Variants in BNC2 observed in about 807,000 individuals in gnomAD.
BNC2 encodes the protein basonuclin zinc finger protein 2.
Under a neutral mutation model 76.3 loss-of-function variants are expected in BNC2, and 20 were observed. The observed-to-expected ratio is 0.26, with a 90% CI of 0.18 to 0.38. The LOEUF (loss-of-function observed/expected upper bound fraction) is 0.38, where lower values mean the gene tolerates loss of function less well. Ranked by LOEUF, BNC2 falls within the 10% of genes least tolerant of loss-of-function variation. The pLI, the probability that BNC2 is intolerant of heterozygous loss-of-function variation, is 1.00. For synonymous variants in BNC2, 582 were observed against 514.8 expected (o/e 1.13, Z -1.77); for missense variants, 1,382 against 1,399.8 (o/e 0.99, Z 0.20).
intron 6 of BNC2, among the ~76,000 whole-genome samples, chr9:16,430,317 C>T (rs1820884672): frequency 6.6e-6 from 1 of 152,078 alleles, no homozygotes; most frequent in Non-Finnish European, 1.5e-5. Flanking sequence ...ACAGCTAATG[C>T]TTTAAAATGT....
At chr9:16,538,729 T>A (rs544263780) in intron 5 of BNC2, among the ~76,000 whole-genome samples, 19 of 152,330 alleles carry the variant, frequency 1.2e-4, no homozygotes, top group African/African-American at 4.6e-4. Context: ...GGGGCCAGGT[T>A]GAAATTTACG....
intron 5 of BNC2, among the ~76,000 whole-genome samples, chr9:16,512,137 C>G (rs1025552254): frequency 6.6e-6 from 1 of 152,030 alleles, no homozygotes; most frequent in African/African-American, 2.4e-5. Context: ...CACGCATTAC[C>G]CTCCTCAATA....
At chr9:16,563,218 A>T (rs1428141286) in intron 4 of BNC2, among the ~76,000 whole-genome samples, 1 of 152,230 alleles carries the variant, frequency 6.6e-6, no homozygotes, top group Non-Finnish European at 1.5e-5. Context: ...GTTAAAAAAA[A>T]ATTGCAGAAG....
At chr9:16,812,726 C>T (rs1818082492) in intron 1 of BNC2, among the ~76,000 whole-genome samples, 1 of 152,088 alleles carries the variant, frequency 6.6e-6, no homozygotes, top group South Asian at 2.1e-4. Context: ...TTTTTAAAAA[C>T]TAACATTCCA....
At chr9:16,617,370 G>A (rs1193507485) in intron 3 of BNC2, among the ~76,000 whole-genome samples, 1 of 152,060 alleles carries the variant, frequency 6.6e-6, no homozygotes, top group Non-Finnish European at 1.5e-5. Flanking sequence ...GATAAAGAAT[G>A]TATCACCCAA....
intron 1 of BNC2, among the ~76,000 whole-genome samples, chr9:16,787,424 G>A (rs918406634): frequency 1.3e-4 from 20 of 152,266 alleles, no homozygotes; most frequent in Admixed American, 5.9e-4. Flanking sequence ...CTGGAGCCAC[G>A]CTGCCTGAGT....
At chr9:16,476,303 G>C (rs552895016) in intron 5 of BNC2, 23 of 152,344 alleles carry the variant, frequency 1.5e-4, no homozygotes, top group Admixed American at 9.2e-4. Flanking sequence ...GAGCAAAGAG[G>C]GGGAATGCGT....
chr9:16,798,882 T>G (rs536088607), intron 1 of BNC2, among the ~76,000 whole-genome samples: 2 of 152,190 alleles, frequency 1.3e-5, no homozygotes, highest in Admixed American at 1.3e-4. Context: ...TTTCTGCCAC[T>G]TAAGCTGTAA....
chr9:16,496,081 G>A (rs2131696120), intron 5 of BNC2, among the ~76,000 whole-genome samples: 1 of 151,752 alleles, frequency 6.6e-6, no homozygotes, highest in East Asian at 1.9e-4. Context: ...GCTAATCTTT[G>A]TATTTTTAGT....
At position 16,419,056 on chromosome 9, in the gene BNC2, C is replaced by T. The variant is rs746857220; in HGVS notation, c.3233G>A (p.Arg1078Gln). Residue 1078 changes from arginine (R) to glutamine (Q), a missense_variant, in exon 7 of 7, where the codon CGA (arginine) becomes CAA (glutamine). Transcript: ENST00000380672. Reference sequence around the variant, plus strand: ...GTTCTGACTGTGCCGATTTCGGCTTCGTACAGAGGAAAACATCATATTGCA... The same window carrying T: ...GTTCTGACTGTGCCGATTTCGGCTTTGTACAGAGGAAAACATCATATTGCA... ...PGCNMMFSSV[R>Q]SRNRHSQNPN... The T allele has an allele frequency of 3.7e-6, 6 of 1,614,168 alleles. No individual in the cohort carries two copies. Among genetic ancestry groups the T allele is most frequent in the Non-Finnish European group, 4.2e-6 (5 of 1,180,030 alleles).
chr9:16,761,250 C>CAAA (rs980635813), intron 1 of BNC2, among the ~76,000 whole-genome samples: 1 of 149,232 alleles, frequency 6.7e-6, no homozygotes, highest in South Asian at 2.1e-4. Context: ...CGTCTCAAAA[C>CAAA]AAAAAACAAC....
intron 1 of BNC2, among the ~76,000 whole-genome samples, chr9:16,835,953 C>G (rs940017044): frequency 6.6e-6 from 1 of 152,096 alleles, no homozygotes; most frequent in Non-Finnish European, 1.5e-5. Context: ...AACACAGCAC[C>G]CATCCCACCT....
At chr9:16,571,435 G>A (rs1819320002) in intron 4 of BNC2, among the ~76,000 whole-genome samples, 1 of 152,002 alleles carries the variant, frequency 6.6e-6, no homozygotes, top group African/African-American at 2.4e-5. Context: ...TTCCTTCTAT[G>A]ATCTGTTTCC....
chr9:16,699,923 G>C lies in BNC2; in HGVS notation c.330+27874C>G, dbSNP rs1285479131. ...AAACCTGTAATTTCTGGTTTATAAAGATATTACAGAATTATCATGGCAGTT... is the reference window on the plus strand; with the variant it reads ...AAACCTGTAATTTCTGGTTTATAAACATATTACAGAATTATCATGGCAGTT... On this transcript the variant is annotated intron_variant, in intron 3 of 6. Transcript: ENST00000380672. 2.0e-5 allele frequency among the ~76,000 whole-genome samples: 3 copies of C among 152,258 alleles called. No homozygotes were observed. In the East Asian group the frequency reaches 5.8e-4, roughly 29 times the overall value.
chr9:16,528,922 C>A (rs1048130783), intron 5 of BNC2, among the ~76,000 whole-genome samples: 1 of 152,230 alleles, frequency 6.6e-6, no homozygotes, highest in African/African-American at 2.4e-5. Flanking sequence ...AACATATTCT[C>A]TCTCTGTTCC....
chr9:16,458,219 T>C (rs188333417), intron 5 of BNC2, among the ~76,000 whole-genome samples: 250 of 152,292 alleles, frequency 1.6e-3, no homozygotes, highest in Non-Finnish European at 1.2e-3. Flanking sequence ...CAAGGGACCA[T>C]GCTAGCTTCA....
intron 5 of BNC2, among the ~76,000 whole-genome samples, chr9:16,541,297 C>T (rs1039455836): frequency 2.0e-5 from 3 of 152,134 alleles, no homozygotes; most frequent in Admixed American, 1.3e-4. Flanking sequence ...TTTTTTACCA[C>T]GGTTTTGGCC....
chr9:16,816,012 C>T (rs553197120), intron 1 of BNC2, among the ~76,000 whole-genome samples: 31 of 152,162 alleles, frequency 2.0e-4, no homozygotes, highest in Admixed American at 5.2e-4. Flanking sequence ...AATTTCCCAA[C>T]TGCCTATTTG....
chr9:16,423,209 T>A (rs1206710007), intron 6 of BNC2, among the ~76,000 whole-genome samples: 1 of 152,214 alleles, frequency 6.6e-6, no homozygotes, highest in Non-Finnish European at 1.5e-5. Context: ...TCTGAATATT[T>A]ATCTCTAGGA....
Sources: gnomAD v4.1 joint callset for allele counts (sites outside exome capture counted in the v4.1 genomes callset) on GRCh38, gnomAD v4.1.1 for gene constraint, MANE v1.5 for transcripts, NCBI Gene and HGNC (gene_info 2026-07-23, HGNC 2026-07-21) for gene names.